The following USH2A variants were observed in gnomAD, a reference collection of about 807,000 sequenced individuals.
USH2A encodes the protein usherin, also known as Usher syndrome 2A (autosomal recessive, mild).
Under a neutral mutation model 538.9 loss-of-function variants are expected in USH2A, and 443 were observed. That is an observed-to-expected ratio of 0.82 (90% CI 0.76 to 0.89). The LOEUF (loss-of-function observed/expected upper bound fraction) is 0.89, where lower values mean the gene tolerates loss of function less well. USH2A is among the 40% of genes least tolerant of loss of function. The pLI, the probability that USH2A is intolerant of heterozygous loss-of-function variation, is 0.00. For synonymous variants in USH2A, 2,413 were observed against 2,273.5 expected (o/e 1.06, Z -1.75); for missense variants, 6,633 against 6,324.8 (o/e 1.05, Z -1.65).
chr1:216,205,514 G>A (rs1258294674), intron 16 of USH2A, among the ~76,000 whole-genome samples: 1 of 152,160 alleles, frequency 6.6e-6, no homozygotes, highest in East Asian at 1.9e-4. Context: ...ATATGAATTA[G>A]GTGCAAAATG....
intron 8 of USH2A, among the ~76,000 whole-genome samples, chr1:216,322,584 G>A (rs2037639340): frequency 1.4e-5 from 2 of 145,836 alleles, no homozygotes; most frequent in South Asian, 4.3e-4. Flanking sequence ...GCCAGCCTGG[G>A]TGACAGAGCA....
At chr1:216,348,689 A>G (rs187283458) in intron 4 of USH2A, among the ~76,000 whole-genome samples, 1 of 152,142 alleles carries the variant, frequency 6.6e-6, no homozygotes, top group Non-Finnish European at 1.5e-5. Context: ...CGATTCTATT[A>G]TAATTTGTCT....
At chr1:215,762,719 C>T (rs546970642) in intron 56 of USH2A, among the ~76,000 whole-genome samples, 10 of 152,090 alleles carry the variant, frequency 6.6e-5, no homozygotes, top group South Asian at 2.1e-4. Flanking sequence ...GTAACTCTGG[C>T]CTAAGTCTCA....
intron 36 of USH2A, among the ~76,000 whole-genome samples, chr1:215,968,830 T>C (rs999094017): frequency 6.6e-6 from 1 of 152,212 alleles, no homozygotes; most frequent in Non-Finnish European, 1.5e-5. Flanking sequence ...TAGATGAATA[T>C]CTTAAGAAAC....
intron 30 of USH2A, among the ~76,000 whole-genome samples, chr1:216,056,561 G>T (rs1340414542): frequency 2.6e-5 from 4 of 152,114 alleles, no homozygotes; most frequent in African/African-American, 7.2e-5. Context: ...AGAAAAAAGT[G>T]TTGAAAAATG....
chr1:216,023,032 C>T (rs1668875922), intron 32 of USH2A, among the ~76,000 whole-genome samples: 2 of 152,108 alleles, frequency 1.3e-5, no homozygotes, highest in Non-Finnish European at 2.9e-5. Context: ...CCCAGAAATG[C>T]ATGAGGATTA....
intron 55 of USH2A, among the ~76,000 whole-genome samples, chr1:215,769,691 T>C (rs1345089406): frequency 6.6e-6 from 1 of 152,138 alleles, no homozygotes; most frequent in Non-Finnish European, 1.5e-5. Context: ...AGGAATTTGC[T>C]TCTCTTGAAG....
chr1:216,334,358 T>C (rs1166626939), intron 4 of USH2A, among the ~76,000 whole-genome samples: 1 of 151,920 alleles, frequency 6.6e-6, no homozygotes, highest in Non-Finnish European at 1.5e-5. Flanking sequence ...GGGTATTAAA[T>C]TATACACTAG....
chr1:215,956,680 G>T (rs565234392), intron 37 of USH2A, among the ~76,000 whole-genome samples: 2 of 152,166 alleles, frequency 1.3e-5, no homozygotes, highest in East Asian at 1.9e-4. Flanking sequence ...TCATTACATC[G>T]CCGCCTCAAC....
chr1:215,728,834 A>G (rs1005245785), intron 60 of USH2A, among the ~76,000 whole-genome samples: 4 of 152,158 alleles, frequency 2.6e-5, no homozygotes, highest in East Asian at 1.9e-4. Flanking sequence ...GCATTTTTAT[A>G]TATTTTCCAG....
intron 38 of USH2A, among the ~76,000 whole-genome samples, chr1:215,933,669 T>A (rs1666419002): frequency 1.3e-5 from 2 of 151,976 alleles, no homozygotes. Flanking sequence ...GTTCTTATAC[T>A]CTTCATAACT....
At chr1:216,008,935 C>A (rs909044141) in intron 32 of USH2A, among the ~76,000 whole-genome samples, 2 of 151,934 alleles carry the variant, frequency 1.3e-5, no homozygotes, top group Admixed American at 1.3e-4. Flanking sequence ...TGATTATTCA[C>A]CCCTTCTCTG....
intron 21 of USH2A, among the ~76,000 whole-genome samples, chr1:216,140,632 T>C (rs998215029): frequency 2.0e-5 from 3 of 152,170 alleles, no homozygotes; most frequent in Admixed American, 6.5e-5. Flanking sequence ...AAAACCTTGC[T>C]AAGGCCAGGA....
rs148153079 is a variant in USH2A at position 216,089,102 on chromosome 1, C to T, written c.4796G>A (p.Gly1599Asp). 1.7e-4 allele frequency: 269 copies of T among 1,613,248 alleles called. 2 individuals are homozygous for T. In the African/African-American group the frequency reaches 3.1e-3, roughly 19 times the overall value. The change falls in exon 23 of 72, where the codon GGC (glycine) becomes GAC (aspartate). Residue 1599 changes from glycine (G) to aspartate (D), a missense_variant. By Grantham distance (94) the Gly-to-Asp change is moderately conservative. Transcript: ENST00000307340. ...PVEVTTTNDH[G>D]KQYSDGKWHE... is the part of the protein sequence containing the mutation. ...CCATTTTCCATCACTATATTGTTTG[C>T]CATGATCATTAGTTGTAGTTACTTC...
At chr1:216,341,027 T>A (rs1292229122) in intron 4 of USH2A, among the ~76,000 whole-genome samples, 1 of 152,108 alleles carries the variant, frequency 6.6e-6, no homozygotes, top group East Asian at 1.9e-4. Context: ...ATAAAGGGTA[T>A]TCAAACAGGA....
rs1553249309 is a variant in USH2A at position 215,639,228 on chromosome 1, G to A, written c.14979C>T (p.Phe4993=). 1 of 1,614,080 alleles carries A rather than the reference G, an allele frequency of 6.2e-7. No homozygotes were observed. Among genetic ancestry groups the A allele is most frequent in the Non-Finnish European group, 8.5e-7 (1 of 1,180,008 alleles). The change falls in exon 69 of 72, where the codon TTC becomes TTT. Residue 4993 remains phenylalanine (F), a synonymous_variant. Transcript: ENST00000307340. ...CTTCGTCAGTCGTGCAGATGACCTG[G>A]AAAAAGAAGGCTAGACAAAAGGAAG... is the stretch of plus-strand genomic sequence containing the variant. The part of the protein sequence containing the change: ...IPRTADKTFF[F]QVICTTDEGS...
intron 4 of USH2A, among the ~76,000 whole-genome samples, chr1:216,351,625 C>T (rs2038289115): frequency 6.6e-6 from 1 of 152,110 alleles, no homozygotes; most frequent in African/African-American, 2.4e-5. Flanking sequence ...GCATTTTGAG[C>T]AGAGAAGTAA....
intron 9 of USH2A, among the ~76,000 whole-genome samples, chr1:216,319,950 G>A (rs1288704148): frequency 6.6e-6 from 1 of 152,114 alleles, no homozygotes; most frequent in Admixed American, 6.6e-5. Context: ...GGTCCAAGAG[G>A]CAGAGATGTT....
intron 60 of USH2A, among the ~76,000 whole-genome samples, chr1:215,736,086 A>T (rs1224218565): frequency 6.6e-6 from 1 of 152,024 alleles, no homozygotes; most frequent in Non-Finnish European, 1.5e-5. Flanking sequence ...ATATCTTCTG[A>T]CTACAAATGC....
Sources: allele counts gnomAD v4.1 joint callset (sites outside exome capture counted in the v4.1 genomes callset), GRCh38; gene constraint gnomAD v4.1.1; transcripts MANE v1.5; gene names NCBI Gene and HGNC (gene_info 2026-07-23, HGNC 2026-07-21).